The following JCAD variants were observed in gnomAD, a reference collection of about 807,000 sequenced individuals.
JCAD encodes the protein junctional cadherin 5-associated protein.
Under a neutral mutation model 98.0 loss-of-function variants are expected in JCAD, and 40 were observed. That is an observed-to-expected ratio of 0.41 (90% CI 0.32 to 0.53). The LOEUF is 0.53. Among genes scored for constraint, JCAD ranks in the 20% least tolerant of loss-of-function variants. The probability of loss-of-function intolerance (pLI) is 0.31; values close to 1 mark genes in which losing one functional copy is unlikely to be tolerated. For synonymous variants in JCAD, 691 were observed against 682.3 expected (o/e 1.01, Z -0.20); for missense variants, 1,705 against 1,738.1 (o/e 0.98, Z 0.34).
rs2132611855 is a variant in JCAD, at chr10:30,026,589, G to T, written c.3559C>A (p.Pro1187Thr). The T allele has an allele frequency of 6.2e-7, 1 of 1,613,992 alleles. No individual in the cohort carries two copies. Among genetic ancestry groups the T allele is most frequent in the African/African-American group, 1.3e-5 (1 of 75,028 alleles). Residue 1187 changes from proline to threonine, a missense_variant, in exon 3 of 4, where the codon CCT (proline) becomes ACT (threonine). Physicochemically the swap from Pro to Thr is conservative, Grantham distance 38. Coordinates refer to ENST00000375377, the MANE Select transcript of JCAD (RefSeq NM_020848.4). The part of the protein sequence containing the change: ...DVDGVVTSTD[P>T]VPEPEPSPLE... Reference sequence around the variant, plus strand: ...GGGCTGGGCTCAGGCTCAGGGACAGGGTCTGTGCTGGTGACAACCCCGTCC... The same window carrying T: ...GGGCTGGGCTCAGGCTCAGGGACAGTGTCTGTGCTGGTGACAACCCCGTCC...
chr10:30,101,368 C>A (rs948355772), intron 1 of JCAD, among the ~76,000 whole-genome samples: 2 of 152,110 alleles, frequency 1.3e-5, no homozygotes, highest in Non-Finnish European at 2.9e-5. Flanking sequence ...GGGATCACAC[C>A]ACTGCACTCC....
intron 1 of JCAD, among the ~76,000 whole-genome samples, chr10:30,106,661 C>T (rs138104484): frequency 0.01 from 1,565 of 152,178 alleles, 31 homozygotes; most frequent in African/African-American, 0.035. Context: ...CTACTATGCC[C>T]AGCTAATTTT....
At chr10:30,022,668 G>A (rs531300305) in intron 3 of JCAD, among the ~76,000 whole-genome samples, 5 of 152,282 alleles carry the variant, frequency 3.3e-5, no homozygotes, top group South Asian at 4.1e-4. Flanking sequence ...GTAAGATATC[G>A]TCCCTAATGG....
At position 30,028,710 on chromosome 10, in the gene JCAD, A is replaced by C. The variant is rs1836905429; in HGVS notation, c.1438T>G (p.Leu480Val). 6.2e-7 allele frequency: 1 copy of C among 1,612,996 alleles called. No individual in the cohort carries two copies. The highest frequency in any genetic ancestry group is 1.3e-5 in the African/African-American group (1 of 74,850). The change falls in exon 3 of 4, where the codon TTA becomes GTA. Residue 480 changes from leucine (L) to valine (V), a missense_variant. Leu to Val is a conservative substitution (Grantham distance 32). This residue lies in a region of JCAD where 1,278 missense variants were observed against 1,243.1 expected (regional missense o/e 1.03). Transcript: ENST00000375377. ...PDGAIWNPQS[L>V]IPPSGDERGL... ...CTCTCATCCCCCGACGGGGGTATTAAGCTCTGTGGATTCCAAATGGCACCA... is the reference window on the plus strand; with the variant it reads ...CTCTCATCCCCCGACGGGGGTATTACGCTCTGTGGATTCCAAATGGCACCA...
At position 30,080,853 on chromosome 10, in the gene JCAD, C is replaced by T. The variant is rs112903835; in HGVS notation, n.129-11032G>A. The stretch of plus-strand genomic sequence containing the variant: ...GGGCCTGCACATCCTGCATGCTTTC[C>T]AAGAACTGCCCTCTTATGGTCAAAC... On this transcript the variant is annotated intron_variant and non_coding_transcript_variant, in intron 1 of 2. Coordinates refer to the JCAD transcript ENST00000465712. 5.1e-3 allele frequency among the ~76,000 whole-genome samples: 771 copies of T among 152,294 alleles called. 9 individuals are homozygous for T. The highest frequency in any genetic ancestry group is 0.018 in the African/African-American group (742 of 41,552).
intron 2 of JCAD, among the ~76,000 whole-genome samples, chr10:30,030,907 G>A (rs1836976331): frequency 6.7e-6 from 1 of 150,174 alleles, no homozygotes. Flanking sequence ...GGTAAATGGA[G>A]GGCGAGGCAA....
upstream of JCAD, among the ~76,000 whole-genome samples, chr10:30,062,026 C>G (rs1025957033): frequency 1.7e-4 from 26 of 152,064 alleles, no homozygotes; most frequent in African/African-American, 6.3e-4. Flanking sequence ...TCTAGGTCAA[C>G]CCCATGGAAG....
intron 1 of JCAD, among the ~76,000 whole-genome samples, chr10:30,093,171 A>G (rs1405247731): frequency 6.6e-6 from 1 of 152,158 alleles, no homozygotes; most frequent in Admixed American, 6.5e-5. Flanking sequence ...TAACTTTGAG[A>G]TGGGAAAGAG....
intron 1 of JCAD, among the ~76,000 whole-genome samples, chr10:30,071,839 C>T (rs1425221745): frequency 6.6e-6 from 1 of 152,112 alleles, no homozygotes; most frequent in African/African-American, 2.4e-5. Context: ...ACACTAACTA[C>T]ATTTATATGA....
intron 1 of JCAD, among the ~76,000 whole-genome samples, chr10:30,097,182 C>T (rs1838383262): frequency 6.6e-6 from 1 of 152,160 alleles, no homozygotes; most frequent in African/African-American, 2.4e-5. Flanking sequence ...CCACGTGCAG[C>T]TAGCATAACT....
rs574459184 is a variant in JCAD, at chr10:30,024,597, T to C, written c.4045+1506A>G. Among the ~76,000 whole-genome samples the C allele has an allele frequency of 1.6e-4, 24 of 152,060 alleles. No individual in the cohort carries two copies. The East Asian group carries it at 2.9e-3, about 18-fold the overall frequency. On this transcript the variant is annotated intron_variant, in intron 3 of 3. Transcript: ENST00000375377. The stretch of plus-strand genomic sequence containing the variant: ...CCCCGACGAAGGATTATTTCAATCA[T>C]GTGTTTTGCATAAGGAGCAGAGAAG...
rs189695206 is a variant in JCAD at position 30,015,763 on chromosome 10, T to G, written c.*2120A>C. 2.6e-4 allele frequency: 39 copies of G among 152,338 alleles called. No individual in the cohort carries two copies. The highest frequency in any genetic ancestry group is 9.1e-4 in the African/African-American group (38 of 41,588). 9.4% of individuals were successfully genotyped at this position (152,338 alleles called of 1,614,324 possible). On this transcript the variant is annotated 3_prime_UTR_variant, in exon 4 of 4. Transcript: ENST00000375377. ...TCAGAACGGAGTTCATATACATGTA[T>G]GGGTATGTGTGCATACATGTACGAG... is the stretch of plus-strand genomic sequence containing the variant.
At chr10:30,076,619 T>A (rs1837985711) in intron 1 of JCAD, among the ~76,000 whole-genome samples, 1 of 152,206 alleles carries the variant, frequency 6.6e-6, no homozygotes, top group Non-Finnish European at 1.5e-5. Flanking sequence ...CAGGGCTGTT[T>A]GGCTACCCCT....
Position 30,029,058 on chromosome 10 carries a change from T to G in JCAD, c.1090A>C (p.Ile364Leu). The change falls in exon 3 of 4, where the codon ATA (isoleucine) becomes CTA (leucine). Residue 364 changes from isoleucine to leucine, a missense_variant. Physicochemically the swap from Ile to Leu is conservative, Grantham distance 5. Coordinates refer to ENST00000375377, the MANE Select transcript of JCAD (RefSeq NM_020848.4). Reference sequence around the variant, plus strand: ...TGACTGTGACCGCCACACACATTTATGGGCACCGTGTCTTCCAAGTAGGGG... The same window carrying G: ...TGACTGTGACCGCCACACACATTTAGGGGCACCGTGTCTTCCAAGTAGGGG... ...PNPYLEDTVPINVCGGHSQQQ... is the reference protein window; with the variant it reads ...PNPYLEDTVPLNVCGGHSQQQ... The G allele has an allele frequency of 6.2e-7, 1 of 1,614,084 alleles. No homozygotes were observed. The highest frequency in any genetic ancestry group is 2.2e-5 in the East Asian group (1 of 44,868).
chr10:30,092,098 T>TAAA (rs1554802539), intron 1 of JCAD, among the ~76,000 whole-genome samples: 1 of 44,596 alleles, frequency 2.2e-5, no homozygotes, highest in Non-Finnish European at 3.5e-5. Flanking sequence ...TAAAGTTACT[T>TAAA]TATATATATA....
At chr10:30,019,068 T>C (rs1836599106) in intron 3 of JCAD, among the ~76,000 whole-genome samples, 1 of 152,046 alleles carries the variant, frequency 6.6e-6, no homozygotes. Flanking sequence ...GATAAAGAAA[T>C]TATATAGCCG....
chr10:30,028,972 T>C lies in JCAD; in HGVS notation c.1176A>G (p.Gly392=). 6.2e-7 allele frequency: 1 copy of C among 1,613,904 alleles called. No individual in the cohort carries two copies. Among genetic ancestry groups the C allele is most frequent in the Non-Finnish European group, 8.5e-7 (1 of 1,179,966 alleles). Residue 392 remains glycine, a synonymous_variant, in exon 3 of 4, where the codon GGA becomes GGG. Transcript: ENST00000375377. ...ASGQPPSGPP[G]TGNEYGVSPR... is the part of the protein sequence containing the mutation. ...GGCTCACACCATACTCATTCCCAGT[T>C]CCAGGGGGGCCTGAAGGAGGCTGAC...
Position 30,017,926 on chromosome 10 carries a change from TAAGAA to T in JCAD, c.4046-14_4046-10del, listed in dbSNP as rs752702227. ...GCTAGGGTCATAGGAATCTGTAAAA[TAAGAA>T]AAGAAAAGAAAATTAGTGTTATATT... On this transcript the variant is annotated splice_polypyrimidine_tract_variant and intron_variant, in intron 3 of 3. Coordinates refer to ENST00000375377, the MANE Select transcript of JCAD (RefSeq NM_020848.4). 3.7e-6 allele frequency: 6 copies of T among 1,608,422 alleles called. No individual in the cohort carries two copies. The highest frequency in any genetic ancestry group is 1.7e-5 in the Admixed American group (1 of 59,448).
chr10:30,041,871 G>T (rs1423613857), intron 2 of JCAD, among the ~76,000 whole-genome samples: 2 of 152,180 alleles, frequency 1.3e-5, no homozygotes, highest in African/African-American at 2.4e-5. Flanking sequence ...ATATTTTAAT[G>T]GTCGTTAAGT....
Sources: allele counts gnomAD v4.1 joint callset (sites outside exome capture counted in the v4.1 genomes callset), GRCh38; gene constraint gnomAD v4.1.1; regional missense constraint gnomAD v4.1.1; transcripts MANE v1.5; gene names NCBI Gene and HGNC (gene_info 2026-07-23, HGNC 2026-07-21).